Variants in OSBPL9 observed in about 807,000 individuals in gnomAD.
The protein encoded by OSBPL9 is oxysterol-binding protein-related protein 9.
OSBPL9 carries 40 observed loss-of-function variants against 106.6 expected under a neutral mutation model. The observed-to-expected ratio is 0.38, with a 90% CI of 0.29 to 0.49. The LOEUF (loss-of-function observed/expected upper bound fraction) is 0.49. Among genes scored for constraint, OSBPL9 ranks in the 20% least tolerant of loss-of-function variants. OSBPL9 has a pLI of 0.97. For missense variants in OSBPL9, 609 were observed against 887.2 expected, an observed-to-expected ratio of 0.69 and a Z score of 3.98; for synonymous variants, 269 against 295.4, an observed-to-expected ratio of 0.91 and a Z score of 0.92.
In OSBPL9 at chr1:51,680,656, G is replaced by A. The variant is rs1359838192; in HGVS notation, c.241+11144G>A. On this transcript the variant is annotated intron_variant, in intron 3 of 23. Coordinates refer to ENST00000428468, the MANE Select transcript of OSBPL9 (RefSeq NM_024586.6). ...AGCCTGGGTGACAGAGTGAGACCCTGTCTCAAAAAAAACAAAAAAAAACCA... is the reference window on the plus strand; with the variant it reads ...AGCCTGGGTGACAGAGTGAGACCCTATCTCAAAAAAAACAAAAAAAAACCA... Among the ~76,000 whole-genome samples the A allele has an allele frequency of 3.3e-5, 5 of 151,514 alleles. No homozygotes were observed. In the East Asian group the frequency reaches 7.8e-4, roughly 24 times the overall value.
At chr1:51,591,544 C>T (rs189141956) in intron 1 of OSBPL9, among the ~76,000 whole-genome samples, 87 of 152,326 alleles carry the variant, frequency 5.7e-4, no homozygotes, top group African/African-American at 1.7e-3. Context: ...CAGTGGCTCA[C>T]GCCTGTAATC....
the OSBPL9 span, among the ~76,000 whole-genome samples, chr1:51,524,997 G>A: frequency 3.9e-5 from 6 of 152,172 alleles, no homozygotes; most frequent in Non-Finnish European, 7.4e-5. Context: ...AAATCACAAG[G>A]CAAGTCAGAG....
At chr1:51,759,275 A>G (rs899202502) in intron 9 of OSBPL9, among the ~76,000 whole-genome samples, 2 of 152,102 alleles carry the variant, frequency 1.3e-5, no homozygotes, top group Non-Finnish European at 2.9e-5. Context: ...TGAGTTTTAG[A>G]TATTCATGCA....
intron 1 of OSBPL9, among the ~76,000 whole-genome samples, chr1:51,649,736 C>CTTTTT (rs71578080): frequency 1.0e-5 from 1 of 97,014 alleles, no homozygotes; most frequent in East Asian, 3.1e-4. Flanking sequence ...ACATGTTAGT[C>CTTTTT]TTTTTTTTTT....
At chr1:51,742,926 A>C (rs1476184154) in intron 4 of OSBPL9, among the ~76,000 whole-genome samples, 2 of 152,180 alleles carry the variant, frequency 1.3e-5, no homozygotes, top group African/African-American at 4.8e-5. Flanking sequence ...GATGACTTTC[A>C]AAGATGTTAT....
chr1:51,625,299 T>C (rs535232846), intron 1 of OSBPL9, among the ~76,000 whole-genome samples: 3 of 152,334 alleles, frequency 2.0e-5, no homozygotes, highest in East Asian at 3.9e-4. Flanking sequence ...AGATTTTCTT[T>C]TTTTAAAATG....
At chr1:51,744,187 A>G (rs1667513119) in intron 4 of OSBPL9, among the ~76,000 whole-genome samples, 1 of 152,080 alleles carries the variant, frequency 6.6e-6, no homozygotes, top group South Asian at 2.1e-4. Flanking sequence ...TTGGTTCCAA[A>G]TTTTTGAATT....
chr1:51,569,306 C>G, the OSBPL9 span, among the ~76,000 whole-genome samples: 3 of 152,206 alleles, frequency 2.0e-5, no homozygotes, highest in East Asian at 5.8e-4. Context: ...AAATGTCTCC[C>G]TGTGCTATAG....
chr1:51,779,221 A>C (rs1675756034), intron 15 of OSBPL9, among the ~76,000 whole-genome samples: 2 of 152,236 alleles, frequency 1.3e-5, no homozygotes, highest in South Asian at 4.1e-4. Context: ...AGACCAATGG[A>C]ACAGAATAGA....
chr1:51,617,016 GACCC>G, upstream of OSBPL9: 8 of 1,503,144 alleles, frequency 5.3e-6, no homozygotes, highest in South Asian at 1.2e-5. Flanking sequence ...ACCCGCCCAG[GACCC>G]GCCCCGCCCC....
chr1:51,676,259 G>A (rs1040050557), intron 3 of OSBPL9, among the ~76,000 whole-genome samples: 8 of 151,812 alleles, frequency 5.3e-5, no homozygotes, highest in South Asian at 4.2e-4. Flanking sequence ...GTGAAACCCC[G>A]TCTCTACTAC....
At chr1:51,723,264 T>C (rs1176841127) in intron 4 of OSBPL9, among the ~76,000 whole-genome samples, 1 of 152,206 alleles carries the variant, frequency 6.6e-6, no homozygotes, top group Non-Finnish European at 1.5e-5. Context: ...TACATAGTAA[T>C]TTTGCTACCC....
chr1:51,576,289 G>A (rs998714480), upstream of OSBPL9, among the ~76,000 whole-genome samples: 4 of 152,238 alleles, frequency 2.6e-5, no homozygotes, highest in African/African-American at 9.6e-5. Context: ...TGAGGGAGGG[G>A]CCTCAGAGCT....
intron 2 of OSBPL9, among the ~76,000 whole-genome samples, chr1:51,611,083 CA>C (rs1308681225): frequency 6.6e-6 from 1 of 152,190 alleles, no homozygotes; most frequent in African/African-American, 2.4e-5. Context: ...AAGGAGAAGA[CA>C]AAAGATCAGT....
intron 15 of OSBPL9, among the ~76,000 whole-genome samples, chr1:51,778,680 A>G (rs1162013899): frequency 6.6e-6 from 1 of 152,154 alleles, no homozygotes; most frequent in Non-Finnish European, 1.5e-5. Context: ...CCACAAATTC[A>G]TCCGTCAGGG....
At chr1:51,678,762 A>G (rs1308584673) in intron 3 of OSBPL9, among the ~76,000 whole-genome samples, 1 of 152,234 alleles carries the variant, frequency 6.6e-6, no homozygotes, top group African/African-American at 2.4e-5. Flanking sequence ...ATATTGATCA[A>G]GTATATTATG....
chr1:51,747,682 A>G (rs1465306503), intron 6 of OSBPL9, among the ~76,000 whole-genome samples: 2 of 151,152 alleles, frequency 1.3e-5, no homozygotes, highest in African/African-American at 4.9e-5. Context: ...ATTTAGTCCC[A>G]TGTCGTTTTA....
chr1:51,769,882 T>C (rs948812110), intron 12 of OSBPL9, among the ~76,000 whole-genome samples: 4 of 152,224 alleles, frequency 2.6e-5, no homozygotes, highest in Admixed American at 6.5e-5. Flanking sequence ...TCATATGTTA[T>C]AGGATTTGGG....
chr1:51,649,455 C>A lies in OSBPL9; in HGVS notation c.112-2536C>A, dbSNP rs563028023. On this transcript the variant is annotated intron_variant, in intron 1 of 23. Transcript: ENST00000428468. ...TCCTGTCTGCACCCTGTGCTCTTGTCTGTACATCTACTCTCCTATGAATAG... is the reference window on the plus strand; with the variant it reads ...TCCTGTCTGCACCCTGTGCTCTTGTATGTACATCTACTCTCCTATGAATAG... Among the ~76,000 whole-genome samples, 45 of 152,278 alleles carry A rather than the reference C, an allele frequency of 3.0e-4. 2 individuals carry two copies. The South Asian group carries it at 7.9e-3, about 27-fold the overall frequency.
Sources: gnomAD v4.1 joint callset for allele counts (sites outside exome capture counted in the v4.1 genomes callset) on GRCh38, gnomAD v4.1.1 for gene constraint, MANE v1.5 for transcripts, NCBI Gene and HGNC (gene_info 2026-07-23, HGNC 2026-07-21) for gene names.